Variants in CADPS observed in about 807,000 individuals in gnomAD.
CADPS encodes the protein calcium-dependent secretion activator 1.
In CADPS, 57 loss-of-function variants were observed where a neutral mutation model predicts 167.3. That is an observed-to-expected ratio of 0.34 (90% CI 0.28 to 0.42). The LOEUF is 0.42. CADPS is among the 20% of genes least tolerant of loss of function. The probability of loss-of-function intolerance (pLI) is 1.00; values close to 1 mark genes in which losing one functional copy is unlikely to be tolerated. For synonymous variants in CADPS, 676 were observed against 635.3 expected, an observed-to-expected ratio of 1.06 and a Z score of -0.96; for missense variants, 1,414 against 1,738.1, an observed-to-expected ratio of 0.81 and a Z score of 3.32.
intron 1 of CADPS, among the ~76,000 whole-genome samples, chr3:62,849,738 C>A: frequency 6.9e-6 from 1 of 144,492 alleles, no homozygotes; most frequent in South Asian, 2.3e-4. Flanking sequence ...CTACAATTCT[C>A]TTTTTTGGCT....
At chr3:62,417,220 G>A (rs7611626) in intron 28 of CADPS, among the ~76,000 whole-genome samples, 13,605 of 147,182 alleles carry the variant, frequency 0.092, 664 homozygotes, top group Non-Finnish European at 0.11. Flanking sequence ...AGAGAAGTCC[G>A]TTTAACTTTG....
At chr3:62,845,507 T>C (rs1272870824) in intron 1 of CADPS, among the ~76,000 whole-genome samples, 1 of 152,182 alleles carries the variant, frequency 6.6e-6, no homozygotes, top group Non-Finnish European at 1.5e-5. Flanking sequence ...CCACAGCAAG[T>C]ATTCAATATA....
At chr3:62,814,108 T>G (rs2094505518) in intron 1 of CADPS, among the ~76,000 whole-genome samples, 1 of 152,140 alleles carries the variant, frequency 6.6e-6, no homozygotes, top group African/African-American at 2.4e-5. Context: ...GGCCCTGAAA[T>G]CTATTGGTAG....
chr3:62,540,360 T>G (rs532601626), intron 11 of CADPS, among the ~76,000 whole-genome samples: 2 of 152,228 alleles, frequency 1.3e-5, no homozygotes, highest in South Asian at 4.1e-4. Flanking sequence ...GTAGATAACA[T>G]GTTCTGTGAG....
intron 16 of CADPS, 140 bp downstream of exon 16, chr3:62,515,919 C>T: frequency 3.1e-6 from 3 of 968,854 alleles, no homozygotes; most frequent in Admixed American, 5.5e-5. Flanking sequence ...GAAACTTCGA[C>T]ATTTCAGGTG....
chr3:62,523,843 G>A (rs1347867557), intron 13 of CADPS, among the ~76,000 whole-genome samples: 2 of 152,210 alleles, frequency 1.3e-5, no homozygotes, highest in African/African-American at 2.4e-5. Context: ...TGCAGGCACC[G>A]TAAACATGAT....
At position 62,827,908 on chromosome 3, in the gene CADPS, T is replaced by C. The variant is rs562878019; in HGVS notation, c.441+46681A>G. Among the ~76,000 whole-genome samples the C allele has an allele frequency of 3.3e-5, 5 of 152,306 alleles. No individual in the cohort carries two copies. The East Asian group carries it at 7.7e-4, about 24-fold the overall frequency. ...TTACAAAGCACTTTCACATATATCA[T>C]TTGATCTTCATCATGATCCTATAAA... On this transcript the variant is annotated intron_variant, in intron 1 of 29. Coordinates refer to ENST00000383710, the MANE Select transcript of CADPS (RefSeq NM_003716.4).
intron 1 of CADPS, among the ~76,000 whole-genome samples, chr3:62,850,240 A>AT (rs1471051324): frequency 7.4e-6 from 1 of 134,496 alleles, no homozygotes; most frequent in Admixed American, 7.5e-5. Flanking sequence ...GGATTCATTC[A>AT]TTTTTTGAAG....
chr3:62,871,840 G>T (rs925728551), intron 1 of CADPS, among the ~76,000 whole-genome samples: 5 of 152,138 alleles, frequency 3.3e-5, no homozygotes, highest in Non-Finnish European at 5.9e-5. Context: ...AATTAGATAT[G>T]GAGTATATAG....
intron 3 of CADPS, among the ~76,000 whole-genome samples, chr3:62,731,437 G>A (rs2077772869): frequency 6.6e-6 from 1 of 152,164 alleles, no homozygotes; most frequent in South Asian, 2.1e-4. Context: ...TCAGTATCAT[G>A]TGTGTGAATG....
At chr3:62,680,015 A>T (rs1251112050) in intron 3 of CADPS, among the ~76,000 whole-genome samples, 2 of 152,070 alleles carry the variant, frequency 1.3e-5, no homozygotes, top group Non-Finnish European at 2.9e-5. Context: ...CACAACTTTT[A>T]AAAAAGAAAA....
At chr3:62,853,624 A>AC (rs1491286955) in intron 1 of CADPS, among the ~76,000 whole-genome samples, 2 of 33,948 alleles carry the variant, frequency 5.9e-5, no homozygotes, top group Non-Finnish European at 2.3e-4. Context: ...AAACTCCACT[A>AC]AAAAAAAAAA....
chr3:62,599,803 TAA>T (rs2059604587), intron 6 of CADPS, among the ~76,000 whole-genome samples: 2 of 20,908 alleles, frequency 9.6e-5, no homozygotes, highest in Non-Finnish European at 1.7e-4. Flanking sequence ...ATATAATATA[TAA>T]TAAATAATAT....
At chr3:62,672,915 C>T (rs985372599) in intron 3 of CADPS, among the ~76,000 whole-genome samples, 1 of 152,172 alleles carries the variant, frequency 6.6e-6, no homozygotes, top group Non-Finnish European at 1.5e-5. Context: ...GCACCTGGCC[C>T]TCTGTCATCT....
intron 3 of CADPS, among the ~76,000 whole-genome samples, chr3:62,713,139 T>C (rs1320872457): frequency 1.3e-5 from 2 of 152,244 alleles, no homozygotes; most frequent in African/African-American, 2.4e-5. Context: ...ATTGTGAACA[T>C]TATGTATTAA....
intron 6 of CADPS, among the ~76,000 whole-genome samples, chr3:62,607,478 A>C (rs72874416): frequency 0.044 from 6,684 of 152,272 alleles, 234 homozygotes; most frequent in South Asian, 0.11. Context: ...AGCCTCCCAC[A>C]TGGAAGCAAT....
chr3:62,399,391 C>T lies in CADPS; in HGVS notation c.*15G>A. On this transcript the variant is annotated 3_prime_UTR_variant, in exon 30 of 30. Coordinates refer to ENST00000383710, the MANE Select transcript of CADPS (RefSeq NM_003716.4). The surrounding 1 kb of genome is among the most constrained non-coding windows in gnomAD (Gnocchi z 5.6). ...TTACAGGACTCTGTCCCAGCAGACT[C>T]TAGGACCAAATGGTCTAATCGTCTT... The T allele has an allele frequency of 6.2e-7, 1 of 1,613,726 alleles. No individual in the cohort carries two copies.
chr3:62,599,854 T>TA (rs2059664920), intron 6 of CADPS, among the ~76,000 whole-genome samples: 2 of 3,040 alleles, frequency 6.6e-4, no homozygotes, highest in Admixed American at 0.01. Flanking sequence ...ATATATATAA[T>TA]ATATATAATA....
chr3:62,558,301 G>T (rs747364212), intron 9 of CADPS, among the ~76,000 whole-genome samples: 3 of 152,212 alleles, frequency 2.0e-5, no homozygotes, highest in Non-Finnish European at 4.4e-5. Context: ...AGTGCAGGGC[G>T]GGTGCTCACA....
Sources: gnomAD v4.1 joint callset for allele counts (sites outside exome capture counted in the v4.1 genomes callset) on GRCh38, gnomAD v4.1.1 for gene constraint, Gnocchi (gnomAD v3.1) non-coding constraint, MANE v1.5 for transcripts, NCBI Gene and HGNC (gene_info 2026-07-23, HGNC 2026-07-21) for gene names.